Variants in SYCE2 observed in about 807,000 individuals in gnomAD.
SYCE2 encodes central element synaptonemal complex 1.
A neutral mutation model predicts 27.9 loss-of-function variants in SYCE2; 3 were observed. The observed-to-expected ratio is 0.11, with a 90% CI of 0.05 to 0.28. The LOEUF (loss-of-function observed/expected upper bound fraction) is 0.28. Among genes scored for constraint, SYCE2 ranks in the 10% least tolerant of loss-of-function variants. SYCE2 has a pLI of 1.00. For missense variants in SYCE2, 207 were observed against 263.5 expected (o/e 0.79, Z 1.48); for synonymous variants, 85 against 100.7 (o/e 0.84, Z 0.93).
chr19:12,900,366 G>T (rs1006976076), intron 4 of SYCE2, 94 bp downstream of exon 4: 1 of 1,410,056 alleles, frequency 7.1e-7, no homozygotes, highest in Non-Finnish European at 9.6e-7. Context: ...GCGGGGTCAG[G>T]GCTGGGTGCC....
chr19:12,902,901 T>A (rs1335165611), intron 3 of SYCE2, among the ~76,000 whole-genome samples: 1 of 150,300 alleles, frequency 6.7e-6, no homozygotes, highest in Non-Finnish European at 1.5e-5. Flanking sequence ...CATTATGTAT[T>A]TTGTTTGTTT....
At chr19:12,908,538 A>C (rs1326962587) in intron 2 of SYCE2, among the ~76,000 whole-genome samples, 1 of 151,840 alleles carries the variant, frequency 6.6e-6, no homozygotes, top group Non-Finnish European at 1.5e-5. Flanking sequence ...GTTAGCCAGG[A>C]TGGTTTCCAT....
intron 2 of SYCE2, among the ~76,000 whole-genome samples, chr19:12,907,188 C>T (rs146491689): frequency 2.8e-4 from 43 of 152,288 alleles, no homozygotes; most frequent in Non-Finnish European, 5.3e-4. Context: ...GGTGCATCCT[C>T]ACGACCACAC....
At chr19:12,905,096 G>A (rs1970909786) in intron 2 of SYCE2, among the ~76,000 whole-genome samples, 1 of 151,934 alleles carries the variant, frequency 6.6e-6, no homozygotes, top group African/African-American at 2.4e-5. Context: ...GACCCGCGTT[G>A]TTGCCTTCCA....
chr19:12,899,931 C>T, intron 5 of SYCE2, 73 bp downstream of exon 5: 1 of 1,610,348 alleles, frequency 6.2e-7, no homozygotes, highest in Non-Finnish European at 8.5e-7. Flanking sequence ...GGTGTTGGAG[C>T]AGAGTGAGGG....
intron 2 of SYCE2, 46 bp from the exon 3 acceptor site, chr19:12,904,712 C>T: frequency 1.9e-6 from 3 of 1,606,618 alleles, no homozygotes; most frequent in East Asian, 4.5e-5. Context: ...TCTCAGAGTA[C>T]AGGAAGCGGC....
At chr19:12,901,424 C>T (rs1322982347) in intron 3 of SYCE2, among the ~76,000 whole-genome samples, 1 of 151,218 alleles carries the variant, frequency 6.6e-6, no homozygotes, top group Non-Finnish European at 1.5e-5. Flanking sequence ...CTTGCAGTCC[C>T]AGCTACTCGG....
At chr19:12,900,690 G>A (rs779791449) in intron 3 of SYCE2, 42 bp from the exon 4 acceptor site, 7 of 1,555,280 alleles carry the variant, frequency 4.5e-6, no homozygotes, top group Non-Finnish European at 6.2e-6. Flanking sequence ...TCAAACAAGA[G>A]GTATCACAAG....
rs141819282 is a variant in SYCE2 at position 12,899,511 on chromosome 19, G to T, written c.613-126C>A. 15 of 1,614,030 alleles carry T rather than the reference G, an allele frequency of 9.3e-6. No homozygotes were observed. In the Admixed American group the frequency reaches 1.7e-4, roughly 18 times the overall value. On this transcript the variant is annotated intron_variant, in intron 5 of 5. Transcript: ENST00000293695. ...CCCTGATCCTTGGGAGAGCTATCACGGGAATCCAGGCGTTCACGGCCAGCA... is the reference window on the plus strand; with the variant it reads ...CCCTGATCCTTGGGAGAGCTATCACTGGAATCCAGGCGTTCACGGCCAGCA...
chr19:12,908,275 GCT>G (rs1491367293), intron 2 of SYCE2, among the ~76,000 whole-genome samples: 2 of 131,498 alleles, frequency 1.5e-5, no homozygotes, highest in Non-Finnish European at 3.1e-5. Flanking sequence ...AATTTTCTGG[GCT>G]TTTTTTTTTT....
At chr19:12,907,797 A>G (rs1255333288) in intron 2 of SYCE2, among the ~76,000 whole-genome samples, 5 of 151,778 alleles carry the variant, frequency 3.3e-5, no homozygotes, top group African/African-American at 1.2e-4. Flanking sequence ...TCTCAAAAAT[A>G]TAAAATAAAA....
In SYCE2 at chr19:12,900,985, G is replaced by A. The variant is rs551239137; in HGVS notation, c.307-337C>T. On this transcript the variant is annotated intron_variant, in intron 3 of 5. Coordinates refer to ENST00000293695, the MANE Select transcript of SYCE2 (RefSeq NM_001105578.2). ...ACGAGGTCAGGAGATCGAGACCACT[G>A]TGAAACCCCGTCTCTACTAAAAATA... 2.0e-5 allele frequency among the ~76,000 whole-genome samples: 3 copies of A among 152,082 alleles called. No individual in the cohort carries two copies. In the South Asian group the frequency reaches 6.2e-4, roughly 32 times the overall value.
intron 2 of SYCE2, among the ~76,000 whole-genome samples, chr19:12,915,628 G>A (rs1364038079): frequency 2.7e-5 from 4 of 147,846 alleles, no homozygotes; most frequent in African/African-American, 5.0e-5. Flanking sequence ...AAGGTGAACC[G>A]TATGCTATGG....
At chr19:12,915,096 A>T (rs2145981745) in intron 2 of SYCE2, among the ~76,000 whole-genome samples, 1 of 152,372 alleles carries the variant, frequency 6.6e-6, no homozygotes, top group South Asian at 2.1e-4. Flanking sequence ...ATGACTATCA[A>T]CAGATGAGTG....
At chr19:12,918,760 T>C (rs987122366) in intron 1 of SYCE2, among the ~76,000 whole-genome samples, 1 of 151,906 alleles carries the variant, frequency 6.6e-6, no homozygotes, top group South Asian at 2.1e-4. Context: ...GAGAACAGCC[T>C]GAGCAATATG....
At chr19:12,899,561 G>T (rs542254447) in intron 5 of SYCE2, 176 bp from the exon 6 acceptor site, 8 of 1,613,872 alleles carry the variant, frequency 5.0e-6, no homozygotes, top group Non-Finnish European at 6.8e-6. Context: ...TCAGGGGCCC[G>T]AAACTCTCAA....
At chr19:12,904,027 C>G (rs560679811) in intron 3 of SYCE2, among the ~76,000 whole-genome samples, 1 of 152,162 alleles carries the variant, frequency 6.6e-6, no homozygotes, top group Admixed American at 6.6e-5. Context: ...ACAGACCATT[C>G]GATGGCTTCT....
intron 3 of SYCE2, among the ~76,000 whole-genome samples, chr19:12,903,238 C>T (rs1435607213): frequency 1.3e-5 from 2 of 151,410 alleles, no homozygotes; most frequent in Non-Finnish European, 2.9e-5. Context: ...ACTACAGGCG[C>T]CCGCCACCAC....
intron 2 of SYCE2, among the ~76,000 whole-genome samples, chr19:12,910,926 C>G (rs889386017): frequency 1.3e-5 from 2 of 150,390 alleles, no homozygotes; most frequent in African/African-American, 4.9e-5. Flanking sequence ...ATCCGCCCGT[C>G]TCGGCCTCCC....
Sources: allele counts gnomAD v4.1 joint callset (sites outside exome capture counted in the v4.1 genomes callset), GRCh38; gene constraint gnomAD v4.1.1; transcripts MANE v1.5; gene names NCBI Gene and HGNC (gene_info 2026-07-23, HGNC 2026-07-21).